The following NXPE2 variants were observed in gnomAD, a reference collection of about 807,000 sequenced individuals.
The protein encoded by NXPE2 is NXPE family member 2.
A neutral mutation model predicts 34.4 loss-of-function variants in NXPE2; 34 were observed. The ratio of observed to expected loss-of-function variants is 0.99; its 90% confidence interval spans 0.75 to 1.31. The LOEUF (loss-of-function observed/expected upper bound fraction) is 1.31, where lower values mean the gene tolerates loss of function less well. Among genes scored for constraint, NXPE2 ranks in the 40% most tolerant of loss-of-function variants. NXPE2 has a pLI of 0.00. For missense variants in NXPE2, 649 were observed against 672.5 expected (o/e 0.97, Z 0.39); for synonymous variants, 235 against 231.3 (o/e 1.02, Z -0.15).
At chr11:114,543,625 A>G in the NXPE2 span, among the ~76,000 whole-genome samples, 3 of 152,160 alleles carry the variant, frequency 2.0e-5, no homozygotes, top group Non-Finnish European at 4.4e-5. Context: ...TTAACAAAGA[A>G]GAATGGTACT....
At chr11:114,711,100 A>G (rs1017923213), downstream of NXPE2, among the ~76,000 whole-genome samples, 4 of 152,166 alleles carry the variant, frequency 2.6e-5, no homozygotes, top group East Asian at 1.9e-4. Context: ...TCTCAACACG[A>G]TAAAAGCCAT....
At chr11:114,548,783 A>T in the NXPE2 span, among the ~76,000 whole-genome samples, 1 of 151,922 alleles carries the variant, frequency 6.6e-6, no homozygotes, top group Non-Finnish European at 1.5e-5. Context: ...AGAAAGAAAA[A>T]GGTAGGAATT....
At chr11:114,702,408 C>T (rs1331417379) in intron 3 of NXPE2, among the ~76,000 whole-genome samples, 1 of 152,046 alleles carries the variant, frequency 6.6e-6, no homozygotes, top group Admixed American at 6.6e-5. Context: ...TCAGCCTTAC[C>T]TGAGAAAGGT....
chr11:114,755,644 CTATT>C, the NXPE2 span, among the ~76,000 whole-genome samples: 40 of 152,182 alleles, frequency 2.6e-4, no homozygotes, highest in Non-Finnish European at 4.3e-4. Context: ...ATCAACCCAT[CTATT>C]AATCTGTCTA....
At chr11:114,530,487 C>T in the NXPE2 span, 2 of 1,614,166 alleles carry the variant, frequency 1.2e-6, no homozygotes, top group Non-Finnish European at 1.7e-6. Flanking sequence ...GGAGACCTGG[C>T]CCTCCCAGAA....
At chr11:114,753,184 G>A in the NXPE2 span, among the ~76,000 whole-genome samples, 51 of 152,254 alleles carry the variant, frequency 3.3e-4, 1 homozygote, top group South Asian at 8.9e-3. Flanking sequence ...TTGGGTCTAT[G>A]AGTTTGAGAC....
chr11:114,592,010 A>T, the NXPE2 span, among the ~76,000 whole-genome samples: 9 of 152,240 alleles, frequency 5.9e-5, no homozygotes, highest in South Asian at 6.2e-4. Flanking sequence ...CAAATTAGGC[A>T]TGGAAGAAAT....
chr11:114,581,991 T>G, the NXPE2 span, among the ~76,000 whole-genome samples: 1 of 152,230 alleles, frequency 6.6e-6, no homozygotes, highest in African/African-American at 2.4e-5. Flanking sequence ...GAGAATTTGT[T>G]GAGTTGCAGA....
the NXPE2 span, among the ~76,000 whole-genome samples, chr11:114,667,509 A>T: frequency 3.3e-5 from 5 of 152,066 alleles, no homozygotes; most frequent in African/African-American, 1.2e-4. Flanking sequence ...TTGAGTAATA[A>T]TGGATTTGTC....
the NXPE2 span, among the ~76,000 whole-genome samples, chr11:114,672,235 A>G: frequency 6.6e-6 from 1 of 151,988 alleles, no homozygotes; most frequent in Non-Finnish European, 1.5e-5. Context: ...GAACCAAACC[A>G]TATCACACAC....
the NXPE2 span, among the ~76,000 whole-genome samples, chr11:114,713,265 T>C: frequency 6.6e-6 from 1 of 152,166 alleles, no homozygotes; most frequent in Non-Finnish European, 1.5e-5. Context: ...TAAATTTAAA[T>C]GGTTAAGAGG....
At chr11:114,639,462 G>T in the NXPE2 span, among the ~76,000 whole-genome samples, 1 of 151,556 alleles carries the variant, frequency 6.6e-6, no homozygotes, top group South Asian at 2.1e-4. Context: ...CATGCACGCT[G>T]CGCTGCCCCC....
chr11:114,715,791 C>A, the NXPE2 span, among the ~76,000 whole-genome samples: 3 of 152,146 alleles, frequency 2.0e-5, no homozygotes, highest in African/African-American at 7.2e-5. Flanking sequence ...AGCTTCTGAG[C>A]CCTTCATAGA....
At chr11:114,677,614 G>A (rs571276858), upstream of NXPE2, among the ~76,000 whole-genome samples, 15 of 152,132 alleles carry the variant, frequency 9.9e-5, no homozygotes, top group African/African-American at 2.9e-4. Flanking sequence ...TGTGATTACA[G>A]TTCTGATATC....
At chr11:114,540,816 T>A in the NXPE2 span, among the ~76,000 whole-genome samples, 1 of 131,816 alleles carries the variant, frequency 7.6e-6, no homozygotes, top group Non-Finnish European at 1.6e-5. Flanking sequence ...GCAGAGTAGC[T>A]AAAACACAAT....
At chr11:114,484,174 A>G in the NXPE2 span, among the ~76,000 whole-genome samples, 29 of 151,990 alleles carry the variant, frequency 1.9e-4, no homozygotes, top group East Asian at 4.5e-3. Context: ...CCCCTCCCCT[A>G]TCCCTTTGTA....
the NXPE2 span, among the ~76,000 whole-genome samples, chr11:114,560,273 CTTTTTTTTTTT>C: frequency 2.2e-5 from 3 of 135,178 alleles, no homozygotes; most frequent in African/African-American, 8.2e-5. Context: ...CTTTTTTTTT[CTTTTTTTTTTT>C]TTTTTGGACA....
chr11:114,482,478 T>G, the NXPE2 span, among the ~76,000 whole-genome samples: 1 of 152,236 alleles, frequency 6.6e-6, no homozygotes, highest in African/African-American at 2.4e-5. Context: ...AATGCTAACA[T>G]GATTTTTTAT....
chr11:114,466,271 A>T, the NXPE2 span, among the ~76,000 whole-genome samples: 1 of 151,954 alleles, frequency 6.6e-6, no homozygotes. Flanking sequence ...GTAACTCTCT[A>T]CTCTTCCTTT....
Sources: gnomAD v4.1 joint callset for allele counts (sites outside exome capture counted in the v4.1 genomes callset) on GRCh38, gnomAD v4.1.1 for gene constraint, MANE v1.5 for transcripts, NCBI Gene and HGNC (gene_info 2026-07-23, HGNC 2026-07-21) for gene names.